EIF2B3: variants seen among roughly 807,000 people sequenced by gnomAD.
EIF2B3 encodes eukaryotic translation initiation factor 2B subunit gamma.
EIF2B3 carries 20 observed loss-of-function variants against 54.1 expected under a neutral mutation model. The observed-to-expected ratio is 0.37, with a 90% confidence interval of 0.26 to 0.54. The LOEUF (loss-of-function observed/expected upper bound fraction) is 0.54. Ranked by LOEUF, EIF2B3 falls within the 20% of genes least tolerant of loss-of-function variation. EIF2B3 has a pLI of 0.86. For synonymous variants in EIF2B3, 153 were observed against 188.1 expected, an observed-to-expected ratio of 0.81 and a Z score of 1.52; for missense variants, 448 against 547.8, an observed-to-expected ratio of 0.82 and a Z score of 1.82.
chr1:44,982,304 G>T (rs914137199), intron 1 of EIF2B3, among the ~76,000 whole-genome samples: 5 of 152,272 alleles, frequency 3.3e-5, no homozygotes, highest in African/African-American at 4.8e-5. Context: ...CTTTATTTAT[G>T]TATTTATTTT....
chr1:44,855,547 C>T (rs889921593), intron 11 of EIF2B3, among the ~76,000 whole-genome samples: 10 of 151,932 alleles, frequency 6.6e-5, no homozygotes, highest in Non-Finnish European at 8.8e-5. Context: ...ATGAGACAAT[C>T]GACCTTGAGG....
chr1:44,878,620 G>A (rs1011388320), intron 8 of EIF2B3, among the ~76,000 whole-genome samples: 2 of 150,426 alleles, frequency 1.3e-5, no homozygotes, highest in African/African-American at 4.9e-5. Context: ...TGCCACCCTG[G>A]TCTACACCTG....
intron 5 of EIF2B3, among the ~76,000 whole-genome samples, chr1:44,918,550 C>T (rs1186777359): frequency 1.3e-5 from 2 of 152,130 alleles, no homozygotes; most frequent in African/African-American, 2.4e-5. Flanking sequence ...CCACCACACC[C>T]GGCTAATTTT....
chr1:44,951,009 G>T (rs1644155050), intron 3 of EIF2B3, among the ~76,000 whole-genome samples: 1 of 152,106 alleles, frequency 6.6e-6, no homozygotes, highest in African/African-American at 2.4e-5. Context: ...TTTTAAAAAA[G>T]ACATTAGGAC....
At chr1:44,985,353 T>A (rs1644560770) in intron 1 of EIF2B3, among the ~76,000 whole-genome samples, 1 of 152,088 alleles carries the variant, frequency 6.6e-6, no homozygotes, top group Non-Finnish European at 1.5e-5. Context: ...CAGAAGTGAC[T>A]CCTTTTCCCG....
chr1:44,870,315 T>C (rs909465379), intron 10 of EIF2B3, among the ~76,000 whole-genome samples: 14 of 152,108 alleles, frequency 9.2e-5, no homozygotes, highest in Non-Finnish European at 2.1e-4. Context: ...TCCACATACT[T>C]GATGCCCTAC....
intron 6 of EIF2B3, among the ~76,000 whole-genome samples, chr1:44,894,853 A>G (rs1655913375): frequency 6.6e-6 from 1 of 151,990 alleles, no homozygotes; most frequent in Non-Finnish European, 1.5e-5. Flanking sequence ...TTCCTGTAAG[A>G]CTATTCTGTT....
At chr1:44,959,151 G>A (rs1644259158) in intron 3 of EIF2B3, 2 of 727,196 alleles carry the variant, frequency 2.8e-6, no homozygotes, top group Non-Finnish European at 2.4e-6. Context: ...AACCATCTAC[G>A]ATTGCACAGT....
At chr1:44,867,338 T>C (rs1654813519) in intron 10 of EIF2B3, among the ~76,000 whole-genome samples, 1 of 152,118 alleles carries the variant, frequency 6.6e-6, no homozygotes, top group South Asian at 2.1e-4. Context: ...TCAGCTGTCA[T>C]ATAAAATGCC....
At chr1:44,868,418 A>G (rs1261924231) in intron 10 of EIF2B3, among the ~76,000 whole-genome samples, 5 of 151,006 alleles carry the variant, frequency 3.3e-5, no homozygotes, top group African/African-American at 7.3e-5. Context: ...AAAAAAAAAA[A>G]AAAGAAAGCT....
chr1:44,962,123 C>G (rs917244308), intron 3 of EIF2B3, among the ~76,000 whole-genome samples: 3 of 152,070 alleles, frequency 2.0e-5, no homozygotes, highest in African/African-American at 7.2e-5. Context: ...ACCTGGGAGG[C>G]AGAGGTTGCA....
At position 44,942,921 on chromosome 1, in the gene EIF2B3, TCTCGG is replaced by T. The variant is rs557777092; in HGVS notation, c.295-1261_295-1257del. ...CCCAAGCTGGAGTGCACTGGCAAGA[TCTCGG>T]CTCACGGCAAGCTCCGCCTCCCGGG... On this transcript the variant is annotated intron_variant, in intron 3 of 11. Coordinates refer to ENST00000360403, the MANE Select transcript of EIF2B3 (RefSeq NM_020365.5). Among the ~76,000 whole-genome samples the T allele has an allele frequency of 5.1e-3, 782 of 152,200 alleles. 9 individuals carry two copies. The highest frequency in any genetic ancestry group is 0.018 in the African/African-American group (751 of 41,550).
At chr1:44,919,482 T>C (rs978105597) in intron 5 of EIF2B3, among the ~76,000 whole-genome samples, 1 of 152,314 alleles carries the variant, frequency 6.6e-6, no homozygotes, top group African/African-American at 2.4e-5. Flanking sequence ...TTACCAATAG[T>C]TCAACTCCAA....
At position 44,860,056 on chromosome 1, in the gene EIF2B3, C is replaced by T. The variant is rs186467571; in HGVS notation, c.1203-2249G>A. On this transcript the variant is annotated intron_variant, in intron 10 of 11. Coordinates refer to ENST00000360403, the MANE Select transcript of EIF2B3 (RefSeq NM_020365.5). ...TTGCTCTGTCCCCCAGACTGGAGTGCGGTGGCGTGATCTGCCTCAAGTAAA... is the reference window on the plus strand; with the variant it reads ...TTGCTCTGTCCCCCAGACTGGAGTGTGGTGGCGTGATCTGCCTCAAGTAAA... Among the ~76,000 whole-genome samples the T allele has an allele frequency of 1.4e-4, 21 of 151,912 alleles. No individual in the cohort carries two copies. The East Asian group carries it at 1.7e-3, about 13-fold the overall frequency.
chr1:44,984,868 G>A (rs1644555216), intron 1 of EIF2B3, among the ~76,000 whole-genome samples: 1 of 131,492 alleles, frequency 7.6e-6, no homozygotes, highest in Admixed American at 8.8e-5. Flanking sequence ...CTGCAGTGGC[G>A]CAATCTCGGC....
At chr1:44,960,719 G>A (rs1030806640) in intron 3 of EIF2B3, among the ~76,000 whole-genome samples, 3 of 151,982 alleles carry the variant, frequency 2.0e-5, no homozygotes, top group Non-Finnish European at 2.9e-5. Flanking sequence ...ATAATTTAGA[G>A]GTGATTTAAA....
At chr1:44,959,723 G>C (rs551156636) in intron 3 of EIF2B3, among the ~76,000 whole-genome samples, 1 of 152,174 alleles carries the variant, frequency 6.6e-6, no homozygotes, top group African/African-American at 2.4e-5. Context: ...GAATGGTTTA[G>C]AGTCTGGTTT....
chr1:44,901,367 C>T (rs1263837028), intron 5 of EIF2B3, among the ~76,000 whole-genome samples: 2 of 151,948 alleles, frequency 1.3e-5, no homozygotes, highest in African/African-American at 4.8e-5. Context: ...CCACCCGCCT[C>T]GGCCTCCCAA....
intron 10 of EIF2B3, among the ~76,000 whole-genome samples, chr1:44,870,103 T>C (rs1460945755): frequency 6.6e-6 from 1 of 151,512 alleles, no homozygotes; most frequent in Non-Finnish European, 1.5e-5. Flanking sequence ...GCCCAGGGTG[T>C]TGAGGCTGCG....
Sources: allele counts gnomAD v4.1 joint callset (sites outside exome capture counted in the v4.1 genomes callset), GRCh38; gene constraint gnomAD v4.1.1; transcripts MANE v1.5; gene names NCBI Gene and HGNC (gene_info 2026-07-23, HGNC 2026-07-21).